ATG4C: variants seen among roughly 807,000 people sequenced by gnomAD.
The protein encoded by ATG4C is autophagy related 4C cysteine peptidase.
ATG4C carries 56 observed loss-of-function variants against 57.6 expected under a neutral mutation model. The ratio of observed to expected loss-of-function variants is 0.97; its 90% confidence interval spans 0.78 to 1.21. The LOEUF is 1.21. Ranked by LOEUF, ATG4C falls within the 50% of genes most tolerant of loss-of-function variation. The probability of loss-of-function intolerance (pLI) is 0.00; values close to 1 mark genes in which losing one functional copy is unlikely to be tolerated. For missense variants in ATG4C, 595 were observed against 529.8 expected (o/e 1.12, Z -1.21); for synonymous variants, 157 against 174.1 (o/e 0.90, Z 0.78).
chr1:62,822,116 A>G (rs1353976146), intron 6 of ATG4C, among the ~76,000 whole-genome samples: 1 of 152,186 alleles, frequency 6.6e-6, no homozygotes, highest in African/African-American at 2.4e-5. Context: ...TTTTTTTTAC[A>G]GGAATACTGT....
intron 6 of ATG4C, among the ~76,000 whole-genome samples, chr1:62,823,484 C>G (rs778418433): frequency 1.3e-5 from 2 of 152,056 alleles, no homozygotes; most frequent in Non-Finnish European, 2.9e-5. Flanking sequence ...TAGATCAGAC[C>G]CTTATCTCTT....
chr1:62,822,462 T>C (rs1258824307), intron 6 of ATG4C, among the ~76,000 whole-genome samples: 6 of 152,182 alleles, frequency 3.9e-5, no homozygotes, highest in African/African-American at 1.4e-4. Context: ...AAACAAGTAA[T>C]CATTAAATAA....
intron 3 of ATG4C, among the ~76,000 whole-genome samples, chr1:62,806,787 A>AT (rs1173246572): frequency 1.3e-5 from 2 of 152,226 alleles, no homozygotes; most frequent in East Asian, 1.9e-4. Flanking sequence ...ATGTAAGAGG[A>AT]TTTTTTCTGG....
rs538135698 is a variant in ATG4C, at chr1:62,833,770, G to T, written c.934-268G>T. ...TTTATTGCCTTACGGTGGTAAAATT[G>T]ATTATCTCTCTATGTAGTAGTTGTT... is the stretch of plus-strand genomic sequence containing the variant. On this transcript the variant is annotated intron_variant, in intron 7 of 10. Transcript: ENST00000317868. Among the ~76,000 whole-genome samples, 9 of 152,182 alleles carry T rather than the reference G, an allele frequency of 5.9e-5. No individual in the cohort carries two copies. In the South Asian group the frequency reaches 1.9e-3, roughly 32 times the overall value.
intron 10 of ATG4C, among the ~76,000 whole-genome samples, chr1:62,849,677 A>G (rs944371619): frequency 2.0e-5 from 3 of 151,942 alleles, no homozygotes. Context: ...ACGCCCAGCT[A>G]AGTTTTGTGT....
intron 5 of ATG4C, 129 bp downstream of exon 5, chr1:62,819,464 C>G: frequency 1.5e-6 from 1 of 666,154 alleles, no homozygotes; most frequent in Non-Finnish European, 2.3e-6. Context: ...GATAAAGACG[C>G]TTTCATTTGC....
rs1269112839 is a variant in ATG4C, at chr1:62,864,000, A to G, written c.1218A>G (p.Lys406=). The change falls in exon 11 of 11, where the codon AAA becomes AAG. Residue 406 remains lysine, a synonymous_variant. Coordinates refer to ENST00000317868, the MANE Select transcript of ATG4C (RefSeq NM_032852.4). ...RASEEITKML[K]FSSKEKYPLF... is the part of the protein sequence containing the mutation. Reference sequence around the variant, plus strand: ...TATACTTTCTGTTACAGATGCTGAAATTTTCTTCTAAGGAGAAATATCCCT... The same window carrying G: ...TATACTTTCTGTTACAGATGCTGAAGTTTTCTTCTAAGGAGAAATATCCCT... 1.3e-6 allele frequency: 2 copies of G among 1,570,938 alleles called. No individual in the cohort carries two copies. Among genetic ancestry groups the G allele is most frequent in the Non-Finnish European group, 1.7e-6 (2 of 1,162,604 alleles).
At chr1:62,836,701 T>C (rs1666010356) in intron 9 of ATG4C, among the ~76,000 whole-genome samples, 1 of 152,094 alleles carries the variant, frequency 6.6e-6, no homozygotes, top group South Asian at 2.1e-4. Flanking sequence ...TATATGCATA[T>C]TCTAAAACCA....
intron 1 of ATG4C, among the ~76,000 whole-genome samples, chr1:62,788,949 G>A (rs1024826155): frequency 2.6e-5 from 4 of 151,578 alleles, no homozygotes; most frequent in South Asian, 2.1e-4. Flanking sequence ...TAACATGATC[G>A]TTTATTCCAT....
At chr1:62,862,593 A>G (rs537650910) in intron 10 of ATG4C, among the ~76,000 whole-genome samples, 1 of 152,192 alleles carries the variant, frequency 6.6e-6, no homozygotes, top group Non-Finnish European at 1.5e-5. Context: ...TTTTTGTAGT[A>G]TATAAATAAA....
chr1:62,796,227 T>G (rs1293191786), intron 1 of ATG4C, among the ~76,000 whole-genome samples: 36 of 132,252 alleles, frequency 2.7e-4, no homozygotes, highest in Admixed American at 1.1e-3. Flanking sequence ...TTTTTTTTTT[T>G]GCTCATTTGT....
At chr1:62,861,721 ATTATT>A (rs2100370672) in intron 10 of ATG4C, among the ~76,000 whole-genome samples, 1 of 152,234 alleles carries the variant, frequency 6.6e-6, no homozygotes, top group South Asian at 2.1e-4. Flanking sequence ...TATATTTGAA[ATTATT>A]TTAACATAAT....
intron 1 of ATG4C, among the ~76,000 whole-genome samples, chr1:62,796,966 G>C (rs1664490182): frequency 6.6e-6 from 1 of 152,022 alleles, no homozygotes; most frequent in African/African-American, 2.4e-5. Context: ...AAATTAGCTG[G>C]GCATGGTGGC....
At chr1:62,823,604 A>AG (rs1367967977) in intron 6 of ATG4C, among the ~76,000 whole-genome samples, 1 of 152,198 alleles carries the variant, frequency 6.6e-6, no homozygotes, top group Non-Finnish European at 1.5e-5. Flanking sequence ...ACTGCCCATT[A>AG]ACTCCTAGTC....
At chr1:62,845,662 TA>T (rs1473131074) in intron 10 of ATG4C, among the ~76,000 whole-genome samples, 4 of 152,120 alleles carry the variant, frequency 2.6e-5, no homozygotes, top group African/African-American at 9.7e-5. Flanking sequence ...CCAGAAGTTT[TA>T]TGTTTCACAT....
At chr1:62,845,684 T>G (rs1666306330) in intron 10 of ATG4C, among the ~76,000 whole-genome samples, 1 of 149,680 alleles carries the variant, frequency 6.7e-6, no homozygotes, top group African/African-American at 2.5e-5. Flanking sequence ...TTAGAACTTG[T>G]ATATGTTTTA....
intron 6 of ATG4C, among the ~76,000 whole-genome samples, chr1:62,826,828 T>A (rs184498144): frequency 1.0e-4 from 15 of 149,020 alleles, no homozygotes; most frequent in African/African-American, 3.7e-4. Flanking sequence ...CACCTATGAG[T>A]GAGAACATGC....
At chr1:62,835,521 CTT>C (rs144960800) in intron 9 of ATG4C, 2,899 of 209,668 alleles carry the variant, frequency 0.014, 85 homozygotes, top group African/African-American at 0.065. Flanking sequence ...AATAAAATAA[CTT>C]AAATCACTTG....
intron 9 of ATG4C, among the ~76,000 whole-genome samples, chr1:62,840,448 A>G (rs1487208933): frequency 6.6e-6 from 1 of 152,210 alleles, no homozygotes; most frequent in Non-Finnish European, 1.5e-5. Flanking sequence ...TTATTTATAT[A>G]AATATGAATA....
Sources: gnomAD v4.1 joint callset for allele counts (sites outside exome capture counted in the v4.1 genomes callset) on GRCh38, gnomAD v4.1.1 for gene constraint, MANE v1.5 for transcripts, NCBI Gene and HGNC (gene_info 2026-07-23, HGNC 2026-07-21) for gene names.